Variants in DSCAML1 observed in about 807,000 individuals in gnomAD.
The protein encoded by DSCAML1 is cell adhesion molecule DSCAML1.
Under a neutral mutation model 200.5 loss-of-function variants are expected in DSCAML1, and 38 were observed. That is an observed-to-expected ratio of 0.19 (90% CI 0.15 to 0.25). DSCAML1 has a LOEUF of 0.25. Ranked by LOEUF, DSCAML1 falls within the 10% of genes least tolerant of loss-of-function variation. The pLI, the probability that DSCAML1 is intolerant of heterozygous loss-of-function variation, is 1.00. For synonymous variants in DSCAML1, 1,215 were observed against 1,165.0 expected (o/e 1.04, Z -0.87); for missense variants, 2,223 against 2,858.8 (o/e 0.78, Z 5.07).
At chr11:117,595,088 A>C (rs1036731122) in intron 3 of DSCAML1, among the ~76,000 whole-genome samples, 3 of 151,070 alleles carry the variant, frequency 2.0e-5, no homozygotes, top group South Asian at 2.1e-4. Context: ...ACACACACAC[A>C]CCCTTTGATA....
At chr11:117,509,144 G>A (rs1393553751) in intron 8 of DSCAML1, among the ~76,000 whole-genome samples, 1 of 152,030 alleles carries the variant, frequency 6.6e-6, no homozygotes, top group South Asian at 2.1e-4. Flanking sequence ...GACAAGGACC[G>A]CCTGGATATA....
intron 8 of DSCAML1, among the ~76,000 whole-genome samples, chr11:117,512,107 G>T (rs1222523267): frequency 6.6e-6 from 1 of 152,226 alleles, no homozygotes; most frequent in African/African-American, 2.4e-5. Flanking sequence ...CCCACAGAGA[G>T]CTGGGGTGGG....
chr11:117,498,358 C>T lies in DSCAML1; in HGVS notation c.2359+5487G>A, dbSNP rs962852889. ...TCTAGGGGTCACGGCGGTGGCAGGG[C>T]CCATCCGTGGGAGGACAGTCTGTGG... On this transcript the variant is annotated intron_variant, in intron 11 of 32. Coordinates refer to ENST00000651296, the MANE Select transcript of DSCAML1 (RefSeq NM_020693.4). This position sits in a 1 kb window ranked among gnomAD's most constrained non-coding sequence, Gnocchi z 4.0. Among the ~76,000 whole-genome samples the T allele has an allele frequency of 2.0e-4, 30 of 152,282 alleles. No individual in the cohort carries two copies. Among genetic ancestry groups the T allele is most frequent in the African/African-American group, 7.2e-4 (30 of 41,556 alleles).
chr11:117,432,319 G>T, intron 30 of DSCAML1, 33 bp downstream of exon 30: 1 of 1,592,274 alleles, frequency 6.3e-7, no homozygotes, highest in African/African-American at 1.3e-5. Flanking sequence ...CCCCGGTTGG[G>T]AAAAGGGCTG....
At chr11:117,708,793 C>T (rs367561908) in intron 3 of DSCAML1, among the ~76,000 whole-genome samples, 2 of 152,310 alleles carry the variant, frequency 1.3e-5, no homozygotes, top group African/African-American at 4.8e-5. Context: ...TATGGCCAAA[C>T]GTTCTCTCCT....
At position 117,431,521 on chromosome 11, in the gene DSCAML1, G is replaced by T. The variant is rs199901987; in HGVS notation, c.5374+13C>A. Reference sequence around the variant, plus strand: ...GGGAGGTGTTCAGGATGCCAGCAGGGCCTTAGGCACACCTGTGTCCTGGGA... The same window carrying T: ...GGGAGGTGTTCAGGATGCCAGCAGGTCCTTAGGCACACCTGTGTCCTGGGA... On this transcript the variant is annotated intron_variant, in intron 31 of 32. Coordinates refer to ENST00000651296, the MANE Select transcript of DSCAML1 (RefSeq NM_020693.4). 6 of 1,547,904 alleles carry T rather than the reference G, an allele frequency of 3.9e-6. No individual in the cohort carries two copies. In the East Asian group the frequency reaches 1.1e-4, roughly 30 times the overall value.
chr11:117,681,859 T>C (rs938224493), intron 3 of DSCAML1, among the ~76,000 whole-genome samples: 3 of 152,034 alleles, frequency 2.0e-5, no homozygotes, highest in African/African-American at 4.8e-5. Context: ...CCCCCGGGAG[T>C]CTCTTCCGTT....
intron 3 of DSCAML1, among the ~76,000 whole-genome samples, chr11:117,711,824 T>C (rs931321028): frequency 9.9e-5 from 15 of 152,028 alleles, no homozygotes; most frequent in Admixed American, 9.2e-4. Flanking sequence ...AATAAGAGGG[T>C]TTTCCCCCCA....
Position 117,638,315 on chromosome 11 carries a change from AGTGTGTGTGTGTGTGTGTGT to A in DSCAML1, c.512-105813_512-105794del, listed in dbSNP as rs59327038. ...CATCCTAGTTCCACACAAGATAGCA[AGTGTGTGTGTGTGTGTGTGT>A]GTGTGTGTGTGTGTGTGTGTGTGTG... On this transcript the variant is annotated intron_variant, in intron 3 of 32. Transcript: ENST00000651296. Among the ~76,000 whole-genome samples, 39 of 135,218 alleles carry A rather than the reference AGTGTGTGTGTGTGTGTGTGT, an allele frequency of 2.9e-4. 1 individual carries two copies. The highest frequency in any genetic ancestry group is 3.6e-3 in the Middle Eastern group (1 of 274). 88.7% of individuals were successfully genotyped at this position (135,218 alleles called of 152,430 possible). A position where few individuals can be genotyped will look rare whatever the true frequency, so the allele number is the denominator to read the frequency against.
chr11:117,552,183 C>T (rs2050479795), intron 3 of DSCAML1, among the ~76,000 whole-genome samples: 3 of 151,948 alleles, frequency 2.0e-5, no homozygotes, highest in African/African-American at 7.2e-5. Context: ...GAGCTACGTC[C>T]CTACTGGGCT....
intron 8 of DSCAML1, among the ~76,000 whole-genome samples, chr11:117,513,624 C>T (rs1461976209): frequency 1.3e-5 from 2 of 151,802 alleles, no homozygotes; most frequent in Non-Finnish European, 2.9e-5. Flanking sequence ...GCCTGTAGTC[C>T]CAGCTACTCA....
intron 1 of DSCAML1, among the ~76,000 whole-genome samples, chr11:117,816,425 G>A (rs1314674107): frequency 6.6e-6 from 1 of 152,266 alleles, no homozygotes; most frequent in African/African-American, 2.4e-5. Flanking sequence ...GCATTTGTCA[G>A]GCAGCCTGCT....
chr11:117,689,376 T>C (rs2053458259), intron 3 of DSCAML1, among the ~76,000 whole-genome samples: 1 of 152,218 alleles, frequency 6.6e-6, no homozygotes, highest in South Asian at 2.1e-4. Context: ...GGCCCTGCCC[T>C]GAGAAATCAG....
chr11:117,572,665 G>A (rs186362408), intron 3 of DSCAML1, among the ~76,000 whole-genome samples: 1 of 152,182 alleles, frequency 6.6e-6, no homozygotes, highest in African/African-American at 2.4e-5. Context: ...TAGGGGATTG[G>A]GGGGAGGCGG....
chr11:117,751,408 T>C (rs1191450102), intron 3 of DSCAML1, among the ~76,000 whole-genome samples: 7 of 150,494 alleles, frequency 4.7e-5, no homozygotes, highest in African/African-American at 1.5e-4. Flanking sequence ...TTTTTTTTTT[T>C]CTCTGTTGCC....
intron 3 of DSCAML1, among the ~76,000 whole-genome samples, chr11:117,545,368 A>T (rs1179550278): frequency 1.3e-5 from 2 of 152,214 alleles, no homozygotes; most frequent in Non-Finnish European, 2.9e-5. Flanking sequence ...CACACCTGCC[A>T]TGACCTTGAC....
In DSCAML1 at chr11:117,433,056, G is replaced by A. The variant is rs781047757; in HGVS notation, c.5026+82C>T. 7 of 1,220,446 alleles carry A rather than the reference G, an allele frequency of 5.7e-6. No individual in the cohort carries two copies. The Admixed American group carries it at 1.3e-4, about 22-fold the overall frequency. 75.6% of individuals were successfully genotyped at this position (1,220,446 alleles called of 1,614,324 possible). A position where few individuals can be genotyped will look rare whatever the true frequency, so the allele number is the denominator to read the frequency against. ...GCCAGAACCCTGGGCACTGCCATGA[G>A]GGTTGGTGTTTGACTTCCATGGGTT... On this transcript the variant is annotated intron_variant, in intron 29 of 32. Coordinates refer to ENST00000651296, the MANE Select transcript of DSCAML1 (RefSeq NM_020693.4).
intron 3 of DSCAML1, among the ~76,000 whole-genome samples, chr11:117,720,431 C>G (rs918441380): frequency 6.6e-6 from 1 of 151,826 alleles, no homozygotes; most frequent in Non-Finnish European, 1.5e-5. Flanking sequence ...GGGAGGGAGC[C>G]GAGGGCTGAA....
chr11:117,466,626 G>A (rs557500150), intron 16 of DSCAML1, among the ~76,000 whole-genome samples: 7 of 152,096 alleles, frequency 4.6e-5, no homozygotes, highest in Non-Finnish European at 8.8e-5. Context: ...GCTTGAACCC[G>A]GGAGGCGGAG....
Sources: allele counts gnomAD v4.1 joint callset (sites outside exome capture counted in the v4.1 genomes callset), GRCh38; gene constraint gnomAD v4.1.1; non-coding constraint Gnocchi (gnomAD v3.1); transcripts MANE v1.5; gene names NCBI Gene and HGNC (gene_info 2026-07-23, HGNC 2026-07-21).